WWOX: variants seen among roughly 807,000 people sequenced by gnomAD.
WWOX encodes WW domain containing oxidoreductase.
In WWOX, 69 loss-of-function variants were observed where a neutral mutation model predicts 46.2. That is an observed-to-expected ratio of 1.49 (90% CI 1.23 to 1.82). The LOEUF (loss-of-function observed/expected upper bound fraction) is 1.82, where lower values mean the gene tolerates loss of function less well. WWOX is among the 40% of genes most tolerant of loss of function. The pLI, the probability that WWOX is intolerant of heterozygous loss-of-function variation, is 0.00. For synonymous variants in WWOX, 359 were observed against 202.6 expected (o/e 1.77, Z -6.56); for missense variants, 919 against 542.6 (o/e 1.69, Z -6.89).
At chr16:78,954,972 T>G (rs541552209) in intron 8 of WWOX, among the ~76,000 whole-genome samples, 1 of 152,220 alleles carries the variant, frequency 6.6e-6, no homozygotes, top group East Asian at 1.9e-4. Context: ...AAATTTTTTG[T>G]AGGGACAGGG....
intron 8 of WWOX, among the ~76,000 whole-genome samples, chr16:78,484,760 C>G (rs1460440495): frequency 1.3e-5 from 2 of 152,040 alleles, no homozygotes; most frequent in African/African-American, 4.8e-5. Context: ...CAAATTGTGT[C>G]AGCCTGAAAG....
intron 8 of WWOX, among the ~76,000 whole-genome samples, chr16:79,069,468 T>C (rs923416408): frequency 6.6e-6 from 1 of 152,094 alleles, no homozygotes; most frequent in Non-Finnish European, 1.5e-5. Flanking sequence ...ACTGTAGTCA[T>C]TTACGTAAAC....
At chr16:78,295,641 A>G (rs893627087) in intron 5 of WWOX, among the ~76,000 whole-genome samples, 6 of 152,134 alleles carry the variant, frequency 3.9e-5, no homozygotes, top group African/African-American at 9.7e-5. Flanking sequence ...AACCCAGGAG[A>G]TGGTGGTTGC....
chr16:78,126,822 A>G (rs1311350008), intron 4 of WWOX, among the ~76,000 whole-genome samples: 3 of 152,184 alleles, frequency 2.0e-5, no homozygotes, highest in East Asian at 1.9e-4. Context: ...TGGCTTTGCA[A>G]TGGTGGTGGA....
chr16:78,560,923 CT>C lies in WWOX; in HGVS notation c.1056+128173del, dbSNP rs924756825. Among the ~76,000 whole-genome samples the C allele has an allele frequency of 1.1e-3, 164 of 152,252 alleles. 2 individuals carry two copies. Among genetic ancestry groups the C allele is most frequent in the African/African-American group, 3.8e-3 (157 of 41,544 alleles). On this transcript the variant is annotated intron_variant, in intron 8 of 8. Coordinates refer to ENST00000566780, the MANE Select transcript of WWOX (RefSeq NM_016373.4). ...CACACTTAGCAGTTCACATTCACAT[CT>C]TGTTTATTAACTACAATTCTCTAGA...
intron 8 of WWOX, among the ~76,000 whole-genome samples, chr16:79,034,719 T>A (rs1597307671): frequency 6.6e-6 from 1 of 152,114 alleles, no homozygotes. Flanking sequence ...AAAACAAAAA[T>A]ACTTCTCTGA....
intron 8 of WWOX, among the ~76,000 whole-genome samples, chr16:79,167,607 C>T (rs539324404): frequency 6.6e-6 from 1 of 152,304 alleles, no homozygotes; most frequent in South Asian, 2.1e-4. Context: ...GAAGCGAATG[C>T]CCACAGTGCC....
chr16:78,785,705 A>G (rs2050438793), intron 8 of WWOX, among the ~76,000 whole-genome samples: 1 of 152,218 alleles, frequency 6.6e-6, no homozygotes, highest in South Asian at 2.1e-4. Context: ...TGTGACATGA[A>G]TATTGGTTGA....
chr16:78,408,728 G>A (rs1177788983), intron 6 of WWOX, among the ~76,000 whole-genome samples: 2 of 152,176 alleles, frequency 1.3e-5, no homozygotes, highest in Non-Finnish European at 2.9e-5. Context: ...CAGCTAATTT[G>A]CAGATAAAGA....
chr16:78,725,321 C>T (rs2048799809), intron 8 of WWOX, among the ~76,000 whole-genome samples: 3 of 145,070 alleles, frequency 2.1e-5, no homozygotes, highest in African/African-American at 2.5e-5. Context: ...CTTTTTTTTT[C>T]CTTTTTTCTT....
At chr16:78,641,631 G>T (rs2046713640) in intron 8 of WWOX, among the ~76,000 whole-genome samples, 1 of 152,268 alleles carries the variant, frequency 6.6e-6, no homozygotes, top group South Asian at 2.1e-4. Context: ...CAGATGCCCG[G>T]CTCGTGGTTA....
chr16:78,841,023 C>T (rs1323343651), intron 8 of WWOX, among the ~76,000 whole-genome samples: 2 of 152,006 alleles, frequency 1.3e-5, no homozygotes, highest in Admixed American at 6.6e-5. Context: ...TCCTGTGATG[C>T]CATAGGCAGT....
At chr16:78,715,745 G>A (rs1346000719) in intron 8 of WWOX, among the ~76,000 whole-genome samples, 1 of 152,112 alleles carries the variant, frequency 6.6e-6, no homozygotes, top group African/African-American at 2.4e-5. Context: ...CCCAAATTCT[G>A]GGATTACAGG....
At chr16:79,052,537 G>A (rs1280865481) in intron 8 of WWOX, among the ~76,000 whole-genome samples, 2 of 152,214 alleles carry the variant, frequency 1.3e-5, no homozygotes, top group Admixed American at 6.5e-5. Flanking sequence ...CAACCCAAAT[G>A]TCCAACAGTG....
chr16:78,133,070 T>A (rs2033659055), intron 4 of WWOX, among the ~76,000 whole-genome samples: 1 of 152,200 alleles, frequency 6.6e-6, no homozygotes, highest in Non-Finnish European at 1.5e-5. Flanking sequence ...ATGGAAGGGT[T>A]AGCCAAATTA....
chr16:78,855,056 T>C (rs2052535725), intron 8 of WWOX, among the ~76,000 whole-genome samples: 1 of 152,188 alleles, frequency 6.6e-6, no homozygotes, highest in African/African-American at 2.4e-5. Flanking sequence ...TGATTGACAG[T>C]CTACCTAGAA....
intron 8 of WWOX, among the ~76,000 whole-genome samples, chr16:79,002,940 C>A (rs1174506313): frequency 6.6e-6 from 1 of 152,296 alleles, no homozygotes; most frequent in East Asian, 1.9e-4. Context: ...GCTCAAAAAT[C>A]TATGCTGTTT....
At chr16:78,928,797 A>T (rs183678366) in intron 8 of WWOX, among the ~76,000 whole-genome samples, 17 of 152,284 alleles carry the variant, frequency 1.1e-4, no homozygotes, top group African/African-American at 4.1e-4. Context: ...TGCAAGCCTC[A>T]GTTTTAGAAG....
intron 4 of WWOX, among the ~76,000 whole-genome samples, chr16:78,144,486 TACACACACAC>T (rs1215643920): frequency 1.0e-4 from 2 of 19,858 alleles, no homozygotes; most frequent in Non-Finnish European, 1.9e-4. Context: ...TATATATATA[TACACACACAC>T]ACACATATAT....
Sources: allele counts gnomAD v4.1 joint callset (sites outside exome capture counted in the v4.1 genomes callset), GRCh38; gene constraint gnomAD v4.1.1; transcripts MANE v1.5; gene names NCBI Gene and HGNC (gene_info 2026-07-23, HGNC 2026-07-21).